The following TMEM132B variants were observed in gnomAD, a reference collection of about 807,000 sequenced individuals.
The protein encoded by TMEM132B is transmembrane protein 132B.
TMEM132B carries 18 observed loss-of-function variants against 90.8 expected under a neutral mutation model. That is an observed-to-expected ratio of 0.20 (90% CI 0.14 to 0.29). The LOEUF is 0.29. Ranked by LOEUF, TMEM132B falls within the 10% of genes least tolerant of loss-of-function variation. The probability of loss-of-function intolerance (pLI) is 1.00; values close to 1 mark genes in which losing one functional copy is unlikely to be tolerated. For synonymous variants in TMEM132B, 504 were observed against 523.3 expected (o/e 0.96, Z 0.50); for missense variants, 1,096 against 1,326.8 (o/e 0.83, Z 2.70).
intron 1 of TMEM132B, among the ~76,000 whole-genome samples, chr12:125,333,498 A>G (rs953853063): frequency 6.6e-6 from 1 of 152,204 alleles, no homozygotes; most frequent in Non-Finnish European, 1.5e-5. Context: ...TCAACCTGCA[A>G]TTCTGTCTCC....
intron 4 of TMEM132B, among the ~76,000 whole-genome samples, chr12:125,576,671 A>G (rs1884948597): frequency 6.6e-6 from 1 of 152,078 alleles, no homozygotes; most frequent in African/African-American, 2.4e-5. Context: ...TTTTATCATT[A>G]AAAGGTGTTG....
chr12:125,619,859 G>C (rs1886079105), intron 5 of TMEM132B, among the ~76,000 whole-genome samples: 1 of 152,216 alleles, frequency 6.6e-6, no homozygotes, highest in Non-Finnish European at 1.5e-5. Flanking sequence ...TTTGTGAAAG[G>C]AAAGGGAGGC....
intron 5 of TMEM132B, among the ~76,000 whole-genome samples, chr12:125,603,886 C>T (rs1885625514): frequency 6.6e-6 from 1 of 152,164 alleles, no homozygotes; most frequent in Admixed American, 6.5e-5. Flanking sequence ...CAAATCAAAA[C>T]CACAATGAGA....
At chr12:125,432,366 AATATATATATATATATAT>A (rs749081900) in intron 3 of TMEM132B, among the ~76,000 whole-genome samples, 167 of 11,912 alleles carry the variant, frequency 0.014, 31 homozygotes, top group Admixed American at 0.033. Flanking sequence ...GAATTCCTTG[AATATATATATATATATAT>A]ATATATATAT....
At chr12:125,353,672 T>C (rs1877670403) in intron 2 of TMEM132B, among the ~76,000 whole-genome samples, 1 of 152,106 alleles carries the variant, frequency 6.6e-6, no homozygotes, top group African/African-American at 2.4e-5. Flanking sequence ...GTCACACAGG[T>C]AGGGAGTGGT....
chr12:125,640,780 C>T (rs138482244), intron 5 of TMEM132B, among the ~76,000 whole-genome samples: 239 of 152,242 alleles, frequency 1.6e-3, no homozygotes, highest in South Asian at 2.3e-3. Flanking sequence ...GTGGCATTAC[C>T]GTGGGACTTA....
intron 3 of TMEM132B, among the ~76,000 whole-genome samples, chr12:125,486,217 G>C (rs887576753): frequency 5.9e-5 from 9 of 152,186 alleles, no homozygotes; most frequent in Admixed American, 2.0e-4. Flanking sequence ...AGTGAAGAGG[G>C]CATGGGTATA....
Position 125,407,722 on chromosome 12 carries a change from G to A in TMEM132B, c.960-7809G>A, listed in dbSNP as rs36068478. ...TGTCGCTCAGAACCAAAGGGACCGC[G>A]GACACCTGGTGGAGGTCTGGGGGAG... On this transcript the variant is annotated intron_variant, in intron 2 of 8. Transcript: ENST00000682704. The surrounding 1 kb of genome is among the most constrained non-coding windows in gnomAD (Gnocchi z 6.7). 4.1e-3 allele frequency among the ~76,000 whole-genome samples: 621 copies of A among 152,248 alleles called. 2 individuals carry two copies. Among genetic ancestry groups the A allele is most frequent in the Non-Finnish European group, 5.6e-3 (380 of 68,022 alleles).
chr12:125,549,536 T>C (rs755782031), intron 4 of TMEM132B, among the ~76,000 whole-genome samples: 2 of 152,202 alleles, frequency 1.3e-5, no homozygotes, highest in African/African-American at 2.4e-5. Flanking sequence ...GCACAAAGCA[T>C]TTTATAATCT....
chr12:125,525,137 A>G (rs1015103508), intron 4 of TMEM132B, among the ~76,000 whole-genome samples: 2 of 152,098 alleles, frequency 1.3e-5, no homozygotes. Flanking sequence ...GGGCAGCAGA[A>G]CACTCTAGTA....
intron 3 of TMEM132B, among the ~76,000 whole-genome samples, chr12:125,428,347 C>A (rs572861310): frequency 1.4e-4 from 21 of 152,218 alleles, no homozygotes; most frequent in African/African-American, 4.8e-4. Flanking sequence ...AAACCCGGGC[C>A]TCTCCATGAA....
intron 1 of TMEM132B, among the ~76,000 whole-genome samples, chr12:125,336,661 C>G (rs1470785257): frequency 6.6e-6 from 1 of 152,240 alleles, no homozygotes; most frequent in East Asian, 1.9e-4. Flanking sequence ...TGCACGATAA[C>G]AAGTCACGCC....
chr12:125,290,578 C>T lies in TMEM132B; in HGVS notation c.68-58874C>T, dbSNP rs952559177. ...TGGCATCTTGCTAAACATATCCTTC[C>T]GCAATGTGTTCATCTTGCCACGTTG... On this transcript the variant is annotated intron_variant, in intron 1 of 8. Coordinates refer to ENST00000682704, the MANE Select transcript of TMEM132B (RefSeq NM_001366854.1). Among the ~76,000 whole-genome samples, 17 of 152,298 alleles carry T rather than the reference C, an allele frequency of 1.1e-4. 1 individual carries two copies. Among genetic ancestry groups the T allele is most frequent in the East Asian group, 5.8e-4 (3 of 5,192 alleles).
At chr12:125,386,530 G>A (rs570137100) in intron 2 of TMEM132B, among the ~76,000 whole-genome samples, 48 of 152,256 alleles carry the variant, frequency 3.2e-4, no homozygotes, top group Non-Finnish European at 5.9e-4. Context: ...TTTTGCATTT[G>A]CATTTTTTGC....
chr12:125,534,336 G>C (rs886126080), intron 4 of TMEM132B, among the ~76,000 whole-genome samples: 3 of 152,146 alleles, frequency 2.0e-5, no homozygotes, highest in African/African-American at 7.2e-5. Context: ...GGGAAACATA[G>C]TGAGACTCCT....
At position 125,277,411 on chromosome 12, in the gene TMEM132B, G is replaced by A. The variant is rs556870904; in HGVS notation, c.68-72041G>A. Among the ~76,000 whole-genome samples, 239 of 151,950 alleles carry A rather than the reference G, an allele frequency of 1.6e-3. No individual in the cohort carries two copies. The highest frequency in any genetic ancestry group is 0.01 in the Middle Eastern group (3 of 294). On this transcript the variant is annotated intron_variant, in intron 1 of 8. Coordinates refer to ENST00000682704, the MANE Select transcript of TMEM132B (RefSeq NM_001366854.1). The surrounding 1 kb of genome is among the most constrained non-coding windows in gnomAD (Gnocchi z 4.3). Reference sequence around the variant, plus strand: ...GGAGAATCGCTTGAACCTGGGAGGCGGAGGTTGCAGTGAGCCAAGATCGTG... The same window carrying A: ...GGAGAATCGCTTGAACCTGGGAGGCAGAGGTTGCAGTGAGCCAAGATCGTG...
In TMEM132B at chr12:125,653,869, G is replaced by T; in HGVS notation, c.2411G>T (p.Gly804Val). ...CCAAGTAGTGATGAGCACCAAGGAG[G>T]CAGCAATGATATTGAGGGCATAAAT... is the stretch of plus-strand genomic sequence containing the variant. ...FEPSSDEHQG[G>V]SNDIEGINRE... Residue 804 changes from glycine to valine, a missense_variant, in exon 9 of 9, where the codon GGC becomes GTC. Gly to Val is a moderately radical substitution (Grantham distance 109). Coordinates refer to ENST00000682704, the MANE Select transcript of TMEM132B (RefSeq NM_001366854.1). 6.2e-7 allele frequency: 1 copy of T among 1,614,142 alleles called. No homozygotes were observed.
intron 1 of TMEM132B, among the ~76,000 whole-genome samples, chr12:125,224,020 G>A (rs1013154044): frequency 6.6e-6 from 1 of 152,186 alleles, no homozygotes; most frequent in South Asian, 2.1e-4. Flanking sequence ...CAGTTGATCC[G>A]CCTGCCTCAG....
rs190661828 is a variant in TMEM132B at position 125,430,470 on chromosome 12, G to A, written c.1106+14793G>A. 7.9e-5 allele frequency among the ~76,000 whole-genome samples: 12 copies of A among 152,324 alleles called. No homozygotes were observed. The East Asian group carries it at 2.1e-3, about 27-fold the overall frequency. ...CTGTTGGCTCTGAGATGGGAGGAAT[G>A]AGGAGAAGCCAGCCACTCAGTGACT... On this transcript the variant is annotated intron_variant, in intron 3 of 8. Transcript: ENST00000682704.
Sources: gnomAD v4.1 joint callset for allele counts (sites outside exome capture counted in the v4.1 genomes callset) on GRCh38, gnomAD v4.1.1 for gene constraint, Gnocchi (gnomAD v3.1) non-coding constraint, MANE v1.5 for transcripts, NCBI Gene and HGNC (gene_info 2026-07-23, HGNC 2026-07-21) for gene names.